The following JMJD1C variants were observed in gnomAD, a reference collection of about 807,000 sequenced individuals.
JMJD1C encodes the protein jumonji domain containing 1C, also known as jumonji domain-containing protein 1C.
In JMJD1C, 31 loss-of-function variants were observed where a neutral mutation model predicts 245.3. That is an observed-to-expected ratio of 0.13 (90% CI 0.09 to 0.17). JMJD1C has a LOEUF of 0.17. JMJD1C is among the 10% of genes least tolerant of loss of function. The pLI is 1.00. For missense variants in JMJD1C, 2,691 were observed against 3,000.2 expected (o/e 0.90, Z 2.41); for synonymous variants, 1,057 against 1,017.4 (o/e 1.04, Z -0.74).
At chr10:63,315,017 G>A (rs1352364689) in intron 2 of JMJD1C, among the ~76,000 whole-genome samples, 3 of 144,832 alleles carry the variant, frequency 2.1e-5, no homozygotes, top group African/African-American at 2.5e-5. Flanking sequence ...GCAGCAGCAC[G>A]ATCTTGGCTC....
intron 16 of JMJD1C, 50 bp downstream of exon 16, chr10:63,192,888 A>T (rs745784025): frequency 7.7e-7 from 1 of 1,290,432 alleles, no homozygotes; most frequent in Non-Finnish European, 1.1e-6. Context: ...ATTGTTGGTT[A>T]GTTATACTAT....
At chr10:63,446,030 C>G (rs951580317) in intron 1 of JMJD1C, among the ~76,000 whole-genome samples, 1 of 151,768 alleles carries the variant, frequency 6.6e-6, no homozygotes, top group Admixed American at 6.6e-5. Flanking sequence ...TGCGTGCCAC[C>G]ACGCCTAGCT....
intron 2 of JMJD1C, among the ~76,000 whole-genome samples, chr10:63,295,959 ATG>A (rs370590868): frequency 0.033 from 2,991 of 89,708 alleles, 204 homozygotes; most frequent in East Asian, 0.18. Flanking sequence ...ATACACGTAT[ATG>A]TGTGTGTGTG....
At chr10:63,310,844 T>C (rs1051316263) in intron 2 of JMJD1C, among the ~76,000 whole-genome samples, 2 of 151,626 alleles carry the variant, frequency 1.3e-5, no homozygotes, top group African/African-American at 4.8e-5. Flanking sequence ...GGTCAACAAA[T>C]GTAAAAAAAG....
intron 1 of JMJD1C, among the ~76,000 whole-genome samples, chr10:63,432,015 G>C (rs1216102106): frequency 1.3e-5 from 2 of 152,002 alleles, no homozygotes; most frequent in Non-Finnish European, 2.9e-5. Flanking sequence ...CGTCTGAAAA[G>C]AAAAAGAAAA....
At position 63,207,346 on chromosome 10, in the gene JMJD1C, T is replaced by A. The variant is rs1177110238; in HGVS notation, c.4323A>T (p.Pro1441=). The change falls in exon 10 of 26, where the codon CCA becomes CCT. Residue 1441 remains proline (P), a synonymous_variant. Coordinates refer to ENST00000399262, the MANE Select transcript of JMJD1C (RefSeq NM_032776.3). The part of the protein sequence containing the change: ...ECVSSKSVSQ[P]VAQKQECKVS... Reference sequence around the variant, plus strand: ...CCTTGCATTCTTGTTTTTGAGCCACTGGCTGACTGACACTTTTTGAAGATA... The same window carrying A: ...CCTTGCATTCTTGTTTTTGAGCCACAGGCTGACTGACACTTTTTGAAGATA... 3.7e-6 allele frequency: 6 copies of A among 1,613,868 alleles called. No homozygotes were observed. The highest frequency in any genetic ancestry group is 5.1e-6 in the Non-Finnish European group (6 of 1,180,012).
intron 1 of JMJD1C, among the ~76,000 whole-genome samples, chr10:63,399,890 T>C (rs1948745719): frequency 6.6e-6 from 1 of 152,050 alleles, no homozygotes; most frequent in Admixed American, 6.6e-5. Flanking sequence ...AGTCCTTCTA[T>C]ACCTGTTCCC....
At chr10:63,348,378 G>T (rs924190648) in intron 2 of JMJD1C, among the ~76,000 whole-genome samples, 1 of 151,954 alleles carries the variant, frequency 6.6e-6, no homozygotes, top group Admixed American at 6.6e-5. Flanking sequence ...ACTAAAACTG[G>T]CTCTCAGTTT....
intron 17 of JMJD1C, among the ~76,000 whole-genome samples, chr10:63,190,607 A>C (rs1442919692): frequency 6.6e-6 from 1 of 152,178 alleles, no homozygotes; most frequent in Non-Finnish European, 1.5e-5. Context: ...ATTCACTTCC[A>C]TGTGGGTTTT....
intron 2 of JMJD1C, among the ~76,000 whole-genome samples, chr10:63,329,478 G>GA (rs61422373): frequency 2.7e-4 from 32 of 116,958 alleles, no homozygotes; most frequent in East Asian, 1.8e-3. Context: ...TCCATCAATT[G>GA]AAAAAAAAAA....
intron 2 of JMJD1C, among the ~76,000 whole-genome samples, chr10:63,275,491 C>T (rs1211995440): frequency 6.6e-6 from 1 of 151,922 alleles, no homozygotes; most frequent in Non-Finnish European, 1.5e-5. Flanking sequence ...AAAATCAATT[C>T]AACATAAAGG....
At chr10:63,341,647 A>G (rs1449171031) in intron 2 of JMJD1C, among the ~76,000 whole-genome samples, 1 of 152,226 alleles carries the variant, frequency 6.6e-6, no homozygotes, top group African/African-American at 2.4e-5. Flanking sequence ...GGACAGAATG[A>G]TGACTGCAAG....
chr10:63,351,116 T>A lies in JMJD1C; in HGVS notation c.333+29202A>T, dbSNP rs573327925. 5.3e-5 allele frequency among the ~76,000 whole-genome samples: 8 copies of A among 150,290 alleles called. No individual in the cohort carries two copies. The South Asian group carries it at 1.5e-3, about 28-fold the overall frequency. Reference sequence around the variant, plus strand: ...TTTTTTGAGATGGAGTCTCGCTCTATCACCCAGGCTGGAATGCAGTGGTGA... The same window carrying A: ...TTTTTTGAGATGGAGTCTCGCTCTAACACCCAGGCTGGAATGCAGTGGTGA... On this transcript the variant is annotated intron_variant, in intron 2 of 25. Coordinates refer to ENST00000399262, the MANE Select transcript of JMJD1C (RefSeq NM_032776.3).
At chr10:63,405,773 A>C (rs958870834) in intron 1 of JMJD1C, among the ~76,000 whole-genome samples, 10 of 152,226 alleles carry the variant, frequency 6.6e-5, no homozygotes, top group African/African-American at 2.4e-4. Flanking sequence ...CTAGTAGTAA[A>C]AAGTAATATC....
chr10:63,206,668 A>C lies in JMJD1C; in HGVS notation c.5001T>G (p.Asp1667Glu). 1 of 1,612,550 alleles carries C rather than the reference A, an allele frequency of 6.2e-7. No individual in the cohort carries two copies. The highest frequency in any genetic ancestry group is 2.2e-5 in the East Asian group (1 of 44,832). Reference sequence around the variant, plus strand: ...TGCTGAGAACTCCATTGGGTTTCAAATCTTCTTCTATTTCACCTTTTCTCT... The same window carrying C: ...TGCTGAGAACTCCATTGGGTTTCAACTCTTCTTCTATTTCACCTTTTCTCT... ...LQKRKGEIEE[D>E]LKPNGVLSRS... is the part of the protein sequence containing the mutation. Residue 1667 changes from aspartate to glutamate, a missense_variant, in exon 10 of 26, where the codon GAT becomes GAG. Asp to Glu is a conservative substitution (Grantham distance 45). Around this residue, in one of 9 missense-constraint regions of JMJD1C, gnomAD observed 144 missense variants for 143.3 expected, o/e 1.00. Transcript: ENST00000399262.
chr10:63,345,440 A>G (rs1414873005), intron 2 of JMJD1C, among the ~76,000 whole-genome samples: 8 of 146,594 alleles, frequency 5.5e-5, no homozygotes, highest in African/African-American at 1.8e-4. Flanking sequence ...GTGAGCCAAG[A>G]TTGTGCCATT....
intron 3 of JMJD1C, among the ~76,000 whole-genome samples, chr10:63,237,026 A>G (rs1277426942): frequency 4.0e-5 from 6 of 151,880 alleles, no homozygotes; most frequent in African/African-American, 1.5e-4. Context: ...CAGAACAAAC[A>G]CTGTTTTTGT....
At chr10:63,383,217 T>TA (rs11354894) in intron 1 of JMJD1C, among the ~76,000 whole-genome samples, 1 of 144,894 alleles carries the variant, frequency 6.9e-6, no homozygotes, top group Non-Finnish European at 1.5e-5. Flanking sequence ...GAAGCTTCTT[T>TA]AAAAAAAAAA....
chr10:63,222,855 G>A lies in JMJD1C; in HGVS notation c.448-2872C>T, dbSNP rs74138761. ...TGTGGAGTCAAAAGTACACATGCTG[G>A]ATCAAAATATATAAAAACTGCATTT... On this transcript the variant is annotated intron_variant, in intron 3 of 25. Transcript: ENST00000399262. 2,785 of 1,447,620 alleles carry A rather than the reference G, an allele frequency of 1.9e-3. 42 individuals are homozygous for A. In the African/African-American group the frequency reaches 0.033, roughly 17 times the overall value. The allele number at this position is 1,447,620 out of a possible 1,614,324, so 89.7% of individuals were successfully genotyped here.
Sources: allele counts gnomAD v4.1 joint callset (sites outside exome capture counted in the v4.1 genomes callset), GRCh38; gene constraint gnomAD v4.1.1; regional missense constraint gnomAD v4.1.1; transcripts MANE v1.5; gene names NCBI Gene and HGNC (gene_info 2026-07-23, HGNC 2026-07-21).